The following COL5A2 variants were observed in gnomAD, a reference collection of about 807,000 sequenced individuals.
COL5A2 encodes the protein collagen alpha-2(V) chain.
In COL5A2, 23 loss-of-function variants were observed where a neutral mutation model predicts 208.2. The observed-to-expected ratio is 0.11, with a 90% CI of 0.08 to 0.16. The LOEUF (loss-of-function observed/expected upper bound fraction) is 0.16, where lower values mean the gene tolerates loss of function less well. Among genes scored for constraint, COL5A2 ranks in the 10% least tolerant of loss-of-function variants. The pLI is 1.00. For missense variants in COL5A2, 1,590 were observed against 1,956.4 expected, an observed-to-expected ratio of 0.81 and a Z score of 3.53; for synonymous variants, 625 against 628.5, an observed-to-expected ratio of 0.99 and a Z score of 0.08.
chr2:189,365,622 C>A, the COL5A2 span, among the ~76,000 whole-genome samples: 2 of 152,184 alleles, frequency 1.3e-5, no homozygotes, highest in African/African-American at 4.8e-5. Flanking sequence ...TGCACTGGGG[C>A]AGCTCTGTGC....
At chr2:189,064,946 A>G (rs1686115299) in intron 24 of COL5A2, 58 bp downstream of exon 24, 1 of 1,543,018 alleles carries the variant, frequency 6.5e-7, no homozygotes, top group Non-Finnish European at 8.9e-7. Context: ...CGTGCTGAAA[A>G]ATGGCATCTT....
chr2:189,271,746 T>G, the COL5A2 span, among the ~76,000 whole-genome samples: 1 of 152,158 alleles, frequency 6.6e-6, no homozygotes, highest in African/African-American at 2.4e-5. Context: ...GAGAAAATTT[T>G]TGCAGTCTAT....
the COL5A2 span, among the ~76,000 whole-genome samples, chr2:189,262,866 C>T: frequency 6.6e-6 from 1 of 152,034 alleles, no homozygotes; most frequent in Non-Finnish European, 1.5e-5. Context: ...CAATATTCAT[C>T]TGGTTATTGC....
chr2:189,200,355 A>G (rs1401051531), intron 1 of COL5A2, among the ~76,000 whole-genome samples: 5 of 152,126 alleles, frequency 3.3e-5, no homozygotes, highest in Non-Finnish European at 5.9e-5. Flanking sequence ...AGGGCTTTTA[A>G]CTTCTGACAA....
the COL5A2 span, among the ~76,000 whole-genome samples, chr2:189,289,934 C>T: frequency 6.6e-6 from 1 of 152,120 alleles, no homozygotes; most frequent in South Asian, 2.1e-4. Context: ...TCAACGCAAT[C>T]CCTATCAAAA....
At chr2:189,038,750 C>T (rs775775253) in intron 51 of COL5A2, among the ~76,000 whole-genome samples, 5 of 152,186 alleles carry the variant, frequency 3.3e-5, no homozygotes, top group South Asian at 2.1e-4. Context: ...CAGGCAGTGG[C>T]GCGATCTCAA....
At chr2:189,126,290 T>C (rs1284068428) in intron 1 of COL5A2, among the ~76,000 whole-genome samples, 2 of 152,092 alleles carry the variant, frequency 1.3e-5, no homozygotes, top group African/African-American at 4.8e-5. Context: ...CCAATGGTAA[T>C]ATTTTGTGTA....
At chr2:189,359,237 G>A in the COL5A2 span, among the ~76,000 whole-genome samples, 2 of 151,914 alleles carry the variant, frequency 1.3e-5, no homozygotes, top group Non-Finnish European at 2.9e-5. Flanking sequence ...ATTTTGTTGA[G>A]GTATACTTCT....
At chr2:189,052,270 T>C (rs370106653) in intron 40 of COL5A2, 45 bp from the exon 41 acceptor site, 1 of 1,568,486 alleles carries the variant, frequency 6.4e-7, no homozygotes, top group Non-Finnish European at 8.8e-7. Flanking sequence ...GTAATATAAA[T>C]TAGTTACATG....
At chr2:189,422,675 AT>A in the COL5A2 span, among the ~76,000 whole-genome samples, 3 of 152,136 alleles carry the variant, frequency 2.0e-5, no homozygotes, top group Non-Finnish European at 4.4e-5. Flanking sequence ...CACATTAAGC[AT>A]TTTTTCTGAC....
the COL5A2 span, among the ~76,000 whole-genome samples, chr2:189,244,568 C>T: frequency 6.6e-6 from 1 of 152,176 alleles, no homozygotes; most frequent in African/African-American, 2.4e-5. Flanking sequence ...ACAACAAGTT[C>T]CTCATCTCCA....
chr2:189,287,542 C>T, the COL5A2 span, among the ~76,000 whole-genome samples: 11 of 152,148 alleles, frequency 7.2e-5, no homozygotes, highest in African/African-American at 2.7e-4. Context: ...AGATGTCTAT[C>T]ACTTCCTTTA....
chr2:189,165,314 A>T (rs2105808856), intron 1 of COL5A2, among the ~76,000 whole-genome samples: 1 of 152,294 alleles, frequency 6.6e-6, no homozygotes, highest in South Asian at 2.1e-4. Context: ...AGTAAAAATA[A>T]TTATAAATAT....
At chr2:189,240,185 C>T in the COL5A2 span, among the ~76,000 whole-genome samples, 1 of 152,174 alleles carries the variant, frequency 6.6e-6, no homozygotes, top group Non-Finnish European at 1.5e-5. Context: ...TTGGGTCAGG[C>T]TGCTATAACA....
In COL5A2 at chr2:189,072,068, G is replaced by A; in HGVS notation, c.1130C>T (p.Ser377Phe). ...CATTCCAGGATTTCCTGGAAAACCA[G>A]AAGAGCCTGGTATCCCAAGAGGACC... Reference protein sequence around the residue: ...PMGPLGIPGSSGFPGNPGMKG... With the variant: ...PMGPLGIPGSFGFPGNPGMKG... The change falls in exon 18 of 54, where the codon TCT (serine) becomes TTT (phenylalanine). Residue 377 changes from serine to phenylalanine, a missense_variant. Ser to Phe is a radical substitution (Grantham distance 155). Transcript: ENST00000374866. 3 of 1,609,024 alleles carry A rather than the reference G, an allele frequency of 1.9e-6. No individual in the cohort carries two copies. The highest frequency in any genetic ancestry group is 2.5e-6 in the Non-Finnish European group (3 of 1,176,642).
intron 1 of COL5A2, among the ~76,000 whole-genome samples, chr2:189,164,897 A>G (rs1688437326): frequency 6.6e-6 from 1 of 152,216 alleles, no homozygotes; most frequent in East Asian, 1.9e-4. Flanking sequence ...GACTCTATCC[A>G]CGTTGAGTTA....
At chr2:189,115,060 C>A (rs1687361247) in intron 1 of COL5A2, among the ~76,000 whole-genome samples, 1 of 152,084 alleles carries the variant, frequency 6.6e-6, no homozygotes, top group African/African-American at 2.4e-5. Flanking sequence ...CTACAAGATT[C>A]TTTTACCCTC....
At chr2:189,352,621 C>T in the COL5A2 span, among the ~76,000 whole-genome samples, 3 of 152,156 alleles carry the variant, frequency 2.0e-5, no homozygotes, top group African/African-American at 4.8e-5. Flanking sequence ...TGTTCATATC[C>T]TTTGCCCACT....
chr2:189,209,196 A>G (rs1291923690), intron 1 of COL5A2, among the ~76,000 whole-genome samples: 1 of 152,188 alleles, frequency 6.6e-6, no homozygotes, highest in Non-Finnish European at 1.5e-5. Context: ...TACAGTATCA[A>G]TTCTTTATAT....
Sources: allele counts gnomAD v4.1 joint callset (sites outside exome capture counted in the v4.1 genomes callset), GRCh38; gene constraint gnomAD v4.1.1; transcripts MANE v1.5; gene names NCBI Gene and HGNC (gene_info 2026-07-23, HGNC 2026-07-21).